The following OTUD7A variants were observed in gnomAD, a reference collection of about 807,000 sequenced individuals.
The protein encoded by OTUD7A is OTU deubiquitinase 7A.
OTUD7A carries 12 observed loss-of-function variants against 65.7 expected under a neutral mutation model. The observed-to-expected ratio is 0.18, with a 90% CI of 0.12 to 0.30. The LOEUF (loss-of-function observed/expected upper bound fraction) is 0.30, where lower values mean the gene tolerates loss of function less well. Ranked by LOEUF, OTUD7A falls within the 10% of genes least tolerant of loss-of-function variation. OTUD7A has a pLI of 1.00. For synonymous variants in OTUD7A, 641 were observed against 586.3 expected (o/e 1.09, Z -1.35); for missense variants, 1,148 against 1,304.8 (o/e 0.88, Z 1.85).
At chr15:31,717,126 T>G (rs1042813505) in intron 1 of OTUD7A, among the ~76,000 whole-genome samples, 8 of 152,208 alleles carry the variant, frequency 5.3e-5, no homozygotes, top group Non-Finnish European at 8.8e-5. Context: ...AACAATGTCC[T>G]TTGTAACAAA....
At chr15:31,502,694 C>T (rs139235684) in intron 9 of OTUD7A, among the ~76,000 whole-genome samples, 6 of 152,276 alleles carry the variant, frequency 3.9e-5, no homozygotes, top group East Asian at 3.9e-4. Context: ...TCCTCTGCCC[C>T]GCAACTCAGA....
intron 1 of OTUD7A, among the ~76,000 whole-genome samples, chr15:31,797,781 G>A (rs1190021477): frequency 1.3e-5 from 2 of 152,240 alleles, no homozygotes; most frequent in Non-Finnish European, 2.9e-5. Context: ...GTCCCTGTGT[G>A]TGCTGCTTCT....
rs1398522892 is a variant in OTUD7A, at chr15:31,498,744, C to A, written c.1171+2946G>T. Among the ~76,000 whole-genome samples the A allele has an allele frequency of 1.3e-5, 2 of 152,168 alleles. No homozygotes were observed. Among genetic ancestry groups the A allele is most frequent in the Admixed American group, 6.5e-5 (1 of 15,274 alleles). Reference sequence around the variant, plus strand: ...GGGAGCAAATGACTAATGTCCTCCCCAGGAGAAAGCAGGTGACCATCATGT... The same window carrying A: ...GGGAGCAAATGACTAATGTCCTCCCAAGGAGAAAGCAGGTGACCATCATGT... On this transcript the variant is annotated intron_variant, in intron 10 of 12. Transcript: ENST00000307050. The surrounding 1 kb of genome is among the most constrained non-coding windows in gnomAD (Gnocchi z 4.2).
chr15:31,535,833 C>T (rs1444072773), intron 5 of OTUD7A, among the ~76,000 whole-genome samples: 3 of 151,534 alleles, frequency 2.0e-5, no homozygotes, highest in African/African-American at 4.9e-5. Context: ...CCCACCACCA[C>T]GCCTGGCTAA....
chr15:31,760,958 G>A (rs140672403), intron 1 of OTUD7A, among the ~76,000 whole-genome samples: 44 of 151,604 alleles, frequency 2.9e-4, no homozygotes, highest in Admixed American at 1.0e-3. Context: ...AATAATGGTC[G>A]GGCAACTTAG....
chr15:31,826,727 CT>C (rs764116989), intron 1 of OTUD7A, among the ~76,000 whole-genome samples: 42 of 152,192 alleles, frequency 2.8e-4, no homozygotes, highest in Non-Finnish European at 4.3e-4. Context: ...AAACTGAATG[CT>C]TTTAACAGCA....
intron 1 of OTUD7A, among the ~76,000 whole-genome samples, chr15:31,808,140 C>CACACACA (rs1272100227): frequency 1.4e-5 from 2 of 140,300 alleles, no homozygotes; most frequent in Non-Finnish European, 3.1e-5. Context: ...CACACACAAA[C>CACACACA]AAATCCTCAC....
intron 10 of OTUD7A, among the ~76,000 whole-genome samples, chr15:31,488,694 A>T (rs890308989): frequency 1.3e-5 from 2 of 152,242 alleles, no homozygotes; most frequent in Non-Finnish European, 2.9e-5. Context: ...GCAAGGAAAT[A>T]GATCAAATCG....
chr15:31,508,642 GCGC>G, intron 8 of OTUD7A, among the ~76,000 whole-genome samples: 1 of 152,256 alleles, frequency 6.6e-6, no homozygotes. Flanking sequence ...GTGAGGCACT[GCGC>G]CAGGCAAGAA....
intron 1 of OTUD7A, among the ~76,000 whole-genome samples, chr15:31,823,139 G>A (rs1023670251): frequency 1.3e-5 from 2 of 152,056 alleles, no homozygotes; most frequent in African/African-American, 2.4e-5. Context: ...TCTGCTCCTC[G>A]ATGTCTCCCC....
chr15:31,534,567 G>C (rs541297796), intron 5 of OTUD7A, among the ~76,000 whole-genome samples: 6 of 152,300 alleles, frequency 3.9e-5, no homozygotes, highest in African/African-American at 1.4e-4. Context: ...TAAGTCAAGA[G>C]AAAGAAATAA....
chr15:31,750,670 T>C (rs542005350), intron 1 of OTUD7A, among the ~76,000 whole-genome samples: 2 of 152,060 alleles, frequency 1.3e-5, no homozygotes, highest in Non-Finnish European at 2.9e-5. Flanking sequence ...CATAGATCAA[T>C]GGAACAAAAC....
At chr15:31,630,726 C>G (rs1891119093) in intron 3 of OTUD7A, among the ~76,000 whole-genome samples, 1 of 152,094 alleles carries the variant, frequency 6.6e-6, no homozygotes, top group African/African-American at 2.4e-5. Context: ...GAGTCTAAGT[C>G]TCTTTGTAGG....
In OTUD7A at chr15:31,483,421, G is replaced by A. The variant is rs900613773; in HGVS notation, c.2675C>T (p.Pro892Leu). 4 of 1,368,680 alleles carry A rather than the reference G, an allele frequency of 2.9e-6. No homozygotes were observed. Among genetic ancestry groups the A allele is most frequent in the African/African-American group, 3.1e-5 (2 of 64,512 alleles). 84.8% of individuals were successfully genotyped at this position (1,368,680 alleles called of 1,614,324 possible). The change falls in exon 13 of 13, where the codon CCG (proline) becomes CTG (leucine). Residue 892 changes from proline (P) to leucine (L), a missense_variant. This residue lies in a region of OTUD7A where 842 missense variants were observed against 769.5 expected (regional missense o/e 1.09). Transcript: ENST00000307050. The stretch of plus-strand genomic sequence containing the variant: ...CTCGCGCTGGCAGCGCCGCTGCACC[G>A]GCCCCGGGCCGCCACGGCCGCACTC... ...NGECGRGGPG[P>L]VQRRCQRENC...
At chr15:31,554,874 C>T (rs1481098927) in intron 5 of OTUD7A, among the ~76,000 whole-genome samples, 2 of 152,198 alleles carry the variant, frequency 1.3e-5, no homozygotes, top group African/African-American at 4.8e-5. Flanking sequence ...AGGTGTTTCC[C>T]TTCCTCTCAG....
intron 1 of OTUD7A, among the ~76,000 whole-genome samples, chr15:31,764,262 T>C (rs758807184): frequency 3.3e-5 from 5 of 152,154 alleles, no homozygotes; most frequent in Admixed American, 6.5e-5. Context: ...TTTGGTCCAA[T>C]AATTTTATAG....
intron 1 of OTUD7A, among the ~76,000 whole-genome samples, chr15:31,792,555 T>A (rs1895845307): frequency 6.6e-6 from 1 of 152,178 alleles, no homozygotes; most frequent in Non-Finnish European, 1.5e-5. Context: ...TCCCTCTGTC[T>A]GGCCCCCACC....
intron 3 of OTUD7A, among the ~76,000 whole-genome samples, chr15:31,619,686 C>G (rs1189296318): frequency 4.6e-5 from 7 of 152,066 alleles, no homozygotes; most frequent in African/African-American, 1.4e-4. Context: ...ATGGGGTTTT[C>G]TAGATATACA....
In OTUD7A at chr15:31,670,592, T is replaced by C. The variant is rs542803722; in HGVS notation, c.-99-13515A>G. 2.6e-5 allele frequency among the ~76,000 whole-genome samples: 4 copies of C among 152,348 alleles called. No homozygotes were observed. The East Asian group carries it at 7.7e-4, about 29-fold the overall frequency. ...CCTAAATGTCTTCTTTTGAGAAGTG[T>C]CTGTTCATATCCTTTGCCCACTTTT... On this transcript the variant is annotated intron_variant, in intron 1 of 12. Coordinates refer to ENST00000307050, the MANE Select transcript of OTUD7A (RefSeq NM_001382637.1).
Sources: allele counts gnomAD v4.1 joint callset (sites outside exome capture counted in the v4.1 genomes callset), GRCh38; gene constraint gnomAD v4.1.1; regional missense constraint gnomAD v4.1.1; non-coding constraint Gnocchi (gnomAD v3.1); transcripts MANE v1.5; gene names NCBI Gene and HGNC (gene_info 2026-07-23, HGNC 2026-07-21).